Variants in HTR7 observed in about 807,000 individuals in gnomAD.
HTR7 encodes the protein 5-hydroxytryptamine receptor 7.
Under a neutral mutation model 34.0 loss-of-function variants are expected in HTR7, and 16 were observed. The observed-to-expected ratio is 0.47, with a 90% CI of 0.32 to 0.71. The LOEUF (loss-of-function observed/expected upper bound fraction) is 0.71. Among genes scored for constraint, HTR7 ranks in the 30% least tolerant of loss-of-function variants. The pLI, the probability that HTR7 is intolerant of heterozygous loss-of-function variation, is 0.04. For missense variants in HTR7, 504 were observed against 625.5 expected (o/e 0.81, Z 2.07); for synonymous variants, 265 against 260.2 (o/e 1.02, Z -0.18).
At chr10:90,792,700 T>C (rs1185479185) in intron 1 of HTR7, among the ~76,000 whole-genome samples, 1 of 152,122 alleles carries the variant, frequency 6.6e-6, no homozygotes, top group Non-Finnish European at 1.5e-5. Context: ...AAATATACTT[T>C]CAGCTTTCCA....
chr10:90,772,688 T>C (rs1016998910), intron 1 of HTR7, among the ~76,000 whole-genome samples: 3 of 152,194 alleles, frequency 2.0e-5, no homozygotes, highest in Non-Finnish European at 4.4e-5. Flanking sequence ...CTAAGTTTAA[T>C]GAAACATGGT....
At chr10:90,808,878 T>C (rs1249093899) in intron 1 of HTR7, among the ~76,000 whole-genome samples, 1 of 152,202 alleles carries the variant, frequency 6.6e-6, no homozygotes, top group Non-Finnish European at 1.5e-5. Context: ...GCACTTTCAA[T>C]TTTTCCATCC....
chr10:90,770,444 C>T (rs924609982), intron 1 of HTR7, among the ~76,000 whole-genome samples: 2 of 152,158 alleles, frequency 1.3e-5, no homozygotes, highest in African/African-American at 4.8e-5. Context: ...GGGGCTCCCA[C>T]CCTCCCAGGC....
chr10:90,799,288 G>A (rs1002330787), intron 1 of HTR7, among the ~76,000 whole-genome samples: 8 of 152,040 alleles, frequency 5.3e-5, no homozygotes, highest in East Asian at 3.9e-4. Flanking sequence ...GAATGCTCCA[G>A]GAGACTGATT....
chr10:90,832,606 G>A (rs1846195571), intron 1 of HTR7, among the ~76,000 whole-genome samples: 1 of 152,176 alleles, frequency 6.6e-6, no homozygotes, highest in South Asian at 2.1e-4. Flanking sequence ...GCCTCAGCCA[G>A]CCCAGAGAAG....
intron 1 of HTR7, among the ~76,000 whole-genome samples, chr10:90,790,125 T>C (rs1845441897): frequency 6.6e-6 from 1 of 152,176 alleles, no homozygotes; most frequent in Non-Finnish European, 1.5e-5. Flanking sequence ...ATCCTAGTCA[T>C]GTGGAATGAA....
chr10:90,857,753 C>A lies in HTR7; in HGVS notation c.-82G>T. 1.5e-6 allele frequency: 2 copies of A among 1,315,644 alleles called. No individual in the cohort carries two copies. The highest frequency in any genetic ancestry group is 2.0e-6 in the Non-Finnish European group (2 of 1,023,446). 81.5% of individuals were successfully genotyped at this position (1,315,644 alleles called of 1,614,324 possible). ...TGCCGGCCCCGGGGCTTCACCTCAC[C>A]GGTTCCGCTCCGCCCGGCCCAGCCA... On this transcript the variant is annotated 5_prime_UTR_variant, in exon 1 of 4. Coordinates refer to ENST00000336152, the MANE Select transcript of HTR7 (RefSeq NM_019859.4). The surrounding 1 kb of genome is among the most constrained non-coding windows in gnomAD (Gnocchi z 6.5).
At chr10:90,830,076 AAAC>A (rs1846141192) in intron 1 of HTR7, among the ~76,000 whole-genome samples, 1 of 152,240 alleles carries the variant, frequency 6.6e-6, no homozygotes. Context: ...GTAATAGAGA[AAAC>A]AATCCTAAAA....
chr10:90,797,367 T>C (rs537154347), intron 1 of HTR7, among the ~76,000 whole-genome samples: 2 of 152,298 alleles, frequency 1.3e-5, no homozygotes, highest in African/African-American at 2.4e-5. Flanking sequence ...GAGCAACTCA[T>C]CTCCCTTTTC....
chr10:90,756,721 T>C (rs935360145), intron 1 of HTR7, among the ~76,000 whole-genome samples: 2 of 152,114 alleles, frequency 1.3e-5, no homozygotes, highest in South Asian at 2.1e-4. Flanking sequence ...TAAAATAAAA[T>C]AAGTCACTTA....
At chr10:90,742,818 C>T (rs1289471669) in intron 3 of HTR7, among the ~76,000 whole-genome samples, 1 of 152,144 alleles carries the variant, frequency 6.6e-6, no homozygotes, top group Non-Finnish European at 1.5e-5. Context: ...AATGACTTTG[C>T]TCTCAAAAAT....
intron 1 of HTR7, among the ~76,000 whole-genome samples, chr10:90,796,915 G>A (rs1219201717): frequency 6.6e-6 from 1 of 151,924 alleles, no homozygotes; most frequent in Admixed American, 6.5e-5. Context: ...GGGAGGCTGA[G>A]GCAGGAGAAT....
intron 1 of HTR7, among the ~76,000 whole-genome samples, chr10:90,806,391 G>A (rs1845706947): frequency 1.3e-5 from 2 of 152,106 alleles, no homozygotes; most frequent in South Asian, 4.1e-4. Context: ...GAGGTCAGGA[G>A]ATCGAGACCG....
chr10:90,769,893 T>C (rs550313655), intron 1 of HTR7, among the ~76,000 whole-genome samples: 78 of 152,338 alleles, frequency 5.1e-4, no homozygotes, highest in African/African-American at 1.6e-3. Flanking sequence ...GGCAACAAAA[T>C]TGACAGCAGC....
At chr10:90,842,756 G>A (rs181084099) in intron 1 of HTR7, among the ~76,000 whole-genome samples, 1 of 149,672 alleles carries the variant, frequency 6.7e-6, no homozygotes, top group African/African-American at 2.5e-5. Flanking sequence ...ATTTAATTTT[G>A]CCTATGTTCT....
chr10:90,820,126 T>A (rs1355388341), intron 1 of HTR7, among the ~76,000 whole-genome samples: 3 of 152,184 alleles, frequency 2.0e-5, no homozygotes, highest in Admixed American at 6.5e-5. Context: ...GGGGAATAAG[T>A]CAGTCTTTTG....
chr10:90,806,853 T>C (rs1420596199), intron 1 of HTR7, among the ~76,000 whole-genome samples: 1 of 152,000 alleles, frequency 6.6e-6, no homozygotes, highest in Non-Finnish European at 1.5e-5. Flanking sequence ...GATGAGGGAC[T>C]GTCTGATCTC....
intron 1 of HTR7, among the ~76,000 whole-genome samples, chr10:90,799,518 G>A (rs1845593593): frequency 6.6e-6 from 1 of 152,128 alleles, no homozygotes. Context: ...CCACTGGTGA[G>A]ATTCTAGGCT....
chr10:90,836,877 G>C (rs919090922), intron 1 of HTR7, among the ~76,000 whole-genome samples: 2 of 152,160 alleles, frequency 1.3e-5, no homozygotes, highest in African/African-American at 4.8e-5. Context: ...TGAGGAATAT[G>C]GTTTAGAGAT....
Sources: gnomAD v4.1 joint callset for allele counts (sites outside exome capture counted in the v4.1 genomes callset) on GRCh38, gnomAD v4.1.1 for gene constraint, Gnocchi (gnomAD v3.1) non-coding constraint, MANE v1.5 for transcripts, NCBI Gene and HGNC (gene_info 2026-07-23, HGNC 2026-07-21) for gene names.